The following RIPOR3 variants were observed in gnomAD, a reference collection of about 807,000 sequenced individuals.
The protein encoded by RIPOR3 is RIPOR family member 3, also known as family with sequence similarity 65 member C.
A neutral mutation model predicts 114.3 loss-of-function variants in RIPOR3; 95 were observed. That is an observed-to-expected ratio of 0.83 (90% CI 0.70 to 0.99). The LOEUF is 0.99. RIPOR3 is among the 50% of genes least tolerant of loss of function. RIPOR3 has a pLI of 0.00. For synonymous variants in RIPOR3, 575 were observed against 543.8 expected, an observed-to-expected ratio of 1.06 and a Z score of -0.80; for missense variants, 1,252 against 1,266.9, an observed-to-expected ratio of 0.99 and a Z score of 0.18.
At chr20:50,687,609 G>T (rs1474562332) in intron 1 of RIPOR3, among the ~76,000 whole-genome samples, 1 of 152,150 alleles carries the variant, frequency 6.6e-6, no homozygotes, top group East Asian at 1.9e-4. Flanking sequence ...ATTATAAATT[G>T]TATTGACGTA....
At chr20:50,620,185 C>T in intron 2 of RIPOR3, 53 bp from the exon 3 acceptor site, 1 of 1,596,608 alleles carries the variant, frequency 6.3e-7, no homozygotes, top group Non-Finnish European at 8.5e-7. Context: ...CTGACAAAGC[C>T]CTCCCCAGGG....
intron 2 of RIPOR3, among the ~76,000 whole-genome samples, chr20:50,628,077 T>C (rs1600624071): frequency 6.6e-6 from 1 of 152,222 alleles, no homozygotes; most frequent in African/African-American, 2.4e-5. Flanking sequence ...GGGACTCTGA[T>C]AAAGCCCAGG....
intron 1 of RIPOR3, among the ~76,000 whole-genome samples, chr20:50,652,393 C>T (rs1040858909): frequency 6.6e-6 from 1 of 152,066 alleles, no homozygotes; most frequent in African/African-American, 2.4e-5. Flanking sequence ...GAATTCAAGA[C>T]CAGCCTGGCC....
intron 2 of RIPOR3, among the ~76,000 whole-genome samples, chr20:50,627,232 G>A (rs183457125): frequency 1.3e-5 from 2 of 151,968 alleles, no homozygotes; most frequent in East Asian, 3.9e-4. Context: ...CAGGCACAGT[G>A]GCTCACACCT....
At chr20:50,611,016 A>G (rs1424951448) in intron 5 of RIPOR3, 110 bp from the exon 6 acceptor site, 2 of 280,390 alleles carry the variant, frequency 7.1e-6, no homozygotes, top group East Asian at 1.4e-4. Flanking sequence ...GGGGCCCCTC[A>G]CCATCCCTGA....
chr20:50,635,021 A>G (rs1260056868), intron 1 of RIPOR3, among the ~76,000 whole-genome samples: 1 of 152,260 alleles, frequency 6.6e-6, no homozygotes, highest in African/African-American at 2.4e-5. Flanking sequence ...CAACAGAGCT[A>G]GACTCCATCT....
At chr20:50,671,797 T>C (rs1326718256) in intron 1 of RIPOR3, among the ~76,000 whole-genome samples, 1 of 151,352 alleles carries the variant, frequency 6.6e-6, no homozygotes, top group Non-Finnish European at 1.5e-5. Context: ...GATGGATGGA[T>C]GGATGGATGG....
chr20:50,612,486 G>C (rs2084011538), intron 4 of RIPOR3, among the ~76,000 whole-genome samples: 1 of 152,182 alleles, frequency 6.6e-6, no homozygotes, highest in Non-Finnish European at 1.5e-5. Context: ...CACTATGTCT[G>C]AGTCTGGAGG....
intron 13 of RIPOR3, 132 bp from the exon 14 acceptor site, chr20:50,597,842 A>C: frequency 7.2e-7 from 1 of 1,380,820 alleles, no homozygotes; most frequent in East Asian, 2.5e-5. Context: ...ACCGTCCCCC[A>C]GCAGAAGCCC....
chr20:50,666,610 G>A (rs933730409), intron 1 of RIPOR3, among the ~76,000 whole-genome samples: 1 of 151,438 alleles, frequency 6.6e-6, no homozygotes, highest in African/African-American at 2.4e-5. Context: ...TGTTGCCTAG[G>A]CTGGAGTGCG....
chr20:50,600,080 T>C (rs986045499), intron 13 of RIPOR3, among the ~76,000 whole-genome samples: 3 of 152,160 alleles, frequency 2.0e-5, no homozygotes, highest in Non-Finnish European at 4.4e-5. Context: ...CTTTTGTCTT[T>C]TTAGTAGAAA....
intron 1 of RIPOR3, among the ~76,000 whole-genome samples, chr20:50,663,094 CAAAAAAAA>C (rs35856275): frequency 1.4e-5 from 1 of 69,354 alleles, no homozygotes; most frequent in Non-Finnish European, 2.9e-5. Context: ...GAGACTGTCT[CAAAAAAAA>C]AAAAAAAAAA....
At chr20:50,609,535 G>C in intron 7 of RIPOR3, 38 bp downstream of exon 7, 1 of 1,427,628 alleles carries the variant, frequency 7.0e-7, no homozygotes, top group Non-Finnish European at 9.1e-7. Context: ...CCCAGCTCTT[G>C]CTGCCCCTGC....
chr20:50,593,202 C>G lies in RIPOR3; in HGVS notation c.2213-6G>C, dbSNP rs1170156008. ...CTCCAGGAGCCTGCGGCACGCTGGC[C>G]AAAGGGGAGAGTACATCAGGAGAAA... is the stretch of plus-strand genomic sequence containing the variant. On this transcript the variant is annotated splice_polypyrimidine_tract_variant and splice_region_variant and intron_variant, in intron 17 of 21. Transcript: ENST00000327979. 8 of 1,610,488 alleles carry G rather than the reference C, an allele frequency of 5.0e-6. No individual in the cohort carries two copies. Among genetic ancestry groups the G allele is most frequent in the Non-Finnish European group, 6.8e-6 (8 of 1,179,850 alleles).
chr20:50,591,274 A>G (rs1297291518), intron 19 of RIPOR3, among the ~76,000 whole-genome samples: 1 of 152,220 alleles, frequency 6.6e-6, no homozygotes, highest in East Asian at 1.9e-4. Context: ...AATTTTTTAG[A>G]TAAGATAATG....
intron 2 of RIPOR3, among the ~76,000 whole-genome samples, chr20:50,627,190 A>C (rs1468081533): frequency 1.3e-5 from 2 of 151,598 alleles, no homozygotes; most frequent in Admixed American, 6.6e-5. Flanking sequence ...AACACACACA[A>C]AAAAATTGTA....
Position 50,593,108 on chromosome 20 carries a change from G to A in RIPOR3, c.2301C>T (p.Phe767=), listed in dbSNP as rs760870515. The A allele has an allele frequency of 2.5e-6, 4 of 1,613,974 alleles. No individual in the cohort carries two copies. The Admixed American group carries it at 6.7e-5, about 27-fold the overall frequency. ...GCCTCTGCAGGTAGCTGTGAAACTG[G>A]AACCAGGTAATGATCTGTTCTTCTG... is the stretch of plus-strand genomic sequence containing the variant. The part of the protein sequence containing the change: ...GLPEEQIITW[F]QFHSYLQRQS... Residue 767 remains phenylalanine, a synonymous_variant, in exon 18 of 22, where the codon TTC becomes TTT. Coordinates refer to ENST00000327979, the MANE Select transcript of RIPOR3 (RefSeq NM_001290268.2).
intron 1 of RIPOR3, among the ~76,000 whole-genome samples, chr20:50,650,266 C>T (rs1047998954): frequency 6.6e-6 from 1 of 151,992 alleles, no homozygotes; most frequent in Non-Finnish European, 1.5e-5. Context: ...TCCCAAAGGC[C>T]CCACCTCCTA....
chr20:50,609,805 GA>G, intron 6 of RIPOR3, 83 bp from the exon 7 acceptor site: 1 of 1,341,576 alleles, frequency 7.5e-7, no homozygotes, highest in Non-Finnish European at 9.6e-7. Flanking sequence ...CTCTCTGGGA[GA>G]GGCCCTCCCT....
Sources: gnomAD v4.1 joint callset for allele counts (sites outside exome capture counted in the v4.1 genomes callset) on GRCh38, gnomAD v4.1.1 for gene constraint, MANE v1.5 for transcripts, NCBI Gene and HGNC (gene_info 2026-07-23, HGNC 2026-07-21) for gene names.